BRCA2: variants seen among roughly 807,000 people sequenced by gnomAD.
The protein encoded by BRCA2 is BRCA2 DNA repair associated.
A neutral mutation model predicts 276.7 loss-of-function variants in BRCA2; 203 were observed. The observed-to-expected ratio is 0.73, with a 90% CI of 0.65 to 0.82. The LOEUF is 0.82. Among genes scored for constraint, BRCA2 ranks in the 40% least tolerant of loss-of-function variants. The pLI is 0.00. For synonymous variants in BRCA2, 1,289 were observed against 1,338.4 expected, an observed-to-expected ratio of 0.96 and a Z score of 0.81; for missense variants, 3,920 against 3,915.0, an observed-to-expected ratio of 1.00 and a Z score of -0.03.
At chr13:32,341,346 T>C (rs1369140540) in intron 11 of BRCA2, 150 bp downstream of exon 11, 7 of 1,065,514 alleles carry the variant, frequency 6.6e-6, no homozygotes, top group African/African-American at 1.6e-5. Context: ...TGGTTTGATA[T>C]ACAGATACAC....
In BRCA2 at chr13:32,398,623, G is replaced by A. The variant is rs28897762; in HGVS notation, c.10110G>A (p.Arg3370=). 1.7e-3 allele frequency: 2,788 copies of A among 1,614,080 alleles called. 9 individuals are homozygous for A. The highest frequency in any genetic ancestry group is 2.1e-3 in the South Asian group (191 of 91,078). ...KQFISVSEST[R]TAPTSSEDYL... ...TTATATCTGTCAGTGAATCCACTAG[G>A]ACTGCTCCCACCAGTTCAGAAGATT... The change falls in exon 27 of 27, where the codon AGG becomes AGA. Residue 3370 remains arginine (R), a synonymous_variant. Transcript: ENST00000380152.
intron 13 of BRCA2, among the ~76,000 whole-genome samples, chr13:32,351,934 C>T (rs1246353025): frequency 6.6e-6 from 1 of 151,972 alleles, no homozygotes; most frequent in Non-Finnish European, 1.5e-5. Context: ...CCCAAGTAGC[C>T]GGGATTACAG....
chr13:32,353,639 C>G (rs761265930), intron 13 of BRCA2, among the ~76,000 whole-genome samples: 1 of 152,136 alleles, frequency 6.6e-6, no homozygotes, highest in Non-Finnish European at 1.5e-5. Flanking sequence ...CATGCAAAAA[C>G]AAAATTTTGT....
chr13:32,321,325 G>T (rs898833063), intron 3 of BRCA2, among the ~76,000 whole-genome samples: 1 of 152,124 alleles, frequency 6.6e-6, no homozygotes, highest in Admixed American at 6.6e-5. Context: ...ACTCAGTCTC[G>T]TAAGCACGTC....
intron 13 of BRCA2, 77 bp from the exon 14 acceptor site, chr13:32,354,784 G>T: frequency 9.9e-7 from 1 of 1,006,028 alleles, no homozygotes; most frequent in Admixed American, 1.8e-5. Context: ...GCAAATGAGG[G>T]TCTGCAACAA....
intron 3 of BRCA2, among the ~76,000 whole-genome samples, chr13:32,322,484 A>G (rs1335403092): frequency 6.6e-6 from 1 of 152,174 alleles, no homozygotes. Flanking sequence ...GCCGAAGTAA[A>G]GGGATGGGTC....
At position 32,339,551 on chromosome 13, in the gene BRCA2, C is replaced by T. The variant is rs1419084599; in HGVS notation, c.5196C>T (p.Leu1732=). The T allele has an allele frequency of 6.2e-7, 1 of 1,605,820 alleles. No individual in the cohort carries two copies. Among genetic ancestry groups the T allele is most frequent in the African/African-American group, 1.3e-5 (1 of 74,600 alleles). The part of the protein sequence containing the change: ...STIAENDKNH[L]SEKQDTYLSN... ...TAGCTGAAAATGACAAAAATCATCT[C>T]TCCGAAAAACAAGATACTTATTTAA... Residue 1732 remains leucine, a synonymous_variant, in exon 11 of 27, where the codon CTC becomes CTT. Transcript: ENST00000380152.
chr13:32,341,074 T>C lies in BRCA2; in HGVS notation c.6719T>C (p.Leu2240Pro), dbSNP rs369452046. The C allele has an allele frequency of 6.2e-7, 1 of 1,613,994 alleles. No individual in the cohort carries two copies. The highest frequency in any genetic ancestry group is 8.5e-7 in the Non-Finnish European group (1 of 1,179,930). Residue 2240 changes from leucine (L) to proline (P), a missense_variant, in exon 11 of 27, where the codon CTG (leucine) becomes CCG (proline). Around this residue, in one of 2 missense-constraint regions of BRCA2, gnomAD observed 3,263 missense variants for 3,156.9 expected, o/e 1.03. Transcript: ENST00000380152. ...AAAGCTTTTATGGAAGATGATGAAC[T>C]GACAGATTCTAAACTGCCAAGTCAT... ...IAKAFMEDDE[L>P]TDSKLPSHAT...
intron 20 of BRCA2, 134 bp from the exon 21 acceptor site, chr13:32,376,532 AAAAG>A (rs925472258): frequency 4.9e-6 from 5 of 1,026,500 alleles, no homozygotes; most frequent in South Asian, 4.6e-5. Context: ...AAAAAAAAAA[AAAAG>A]AAAAAACTTT....
At chr13:32,335,359 A>G (rs1383989333) in intron 10 of BRCA2, among the ~76,000 whole-genome samples, 2 of 151,940 alleles carry the variant, frequency 1.3e-5, no homozygotes, top group East Asian at 3.9e-4. Context: ...AAAAAAAAAA[A>G]AAAAGCTAAT....
intron 24 of BRCA2, among the ~76,000 whole-genome samples, chr13:32,393,931 C>G (rs2073015297): frequency 6.6e-6 from 1 of 152,164 alleles, no homozygotes; most frequent in South Asian, 2.1e-4. Context: ...TCCTTTTTCC[C>G]CCACTCACAC....
At position 32,352,070 on chromosome 13, in the gene BRCA2, G is replaced by C. The variant is rs928716685; in HGVS notation, c.7008-2791G>C. On this transcript the variant is annotated intron_variant, in intron 13 of 26. Coordinates refer to ENST00000380152, the MANE Select transcript of BRCA2 (RefSeq NM_000059.4). Reference sequence around the variant, plus strand: ...CCCACCTTGGCCTCCCAAGGTGCTGGGATTACAGACGTGAGCCACTGTACC... The same window carrying C: ...CCCACCTTGGCCTCCCAAGGTGCTGCGATTACAGACGTGAGCCACTGTACC... 3.3e-5 allele frequency among the ~76,000 whole-genome samples: 5 copies of C among 152,242 alleles called. No homozygotes were observed. The East Asian group carries it at 9.7e-4, about 29-fold the overall frequency.
In BRCA2 at chr13:32,370,527, T is replaced by A. The variant is rs876660166; in HGVS notation, c.8457T>A (p.Asp2819Glu). 6.2e-7 allele frequency: 1 copy of A among 1,613,912 alleles called. No individual in the cohort carries two copies. The highest frequency in any genetic ancestry group is 8.5e-7 in the Non-Finnish European group (1 of 1,179,756). Residue 2819 changes from aspartate to glutamate, a missense_variant, in exon 19 of 27, where the codon GAT becomes GAA. Physicochemically the swap from Asp to Glu is conservative, Grantham distance 45. Around this residue, in one of 2 missense-constraint regions of BRCA2, gnomAD observed 657 missense variants for 758.2 expected, o/e 0.87. Transcript: ENST00000380152. ...ATGGAGGAAATGTTGGTTGTGTTGA[T>A]GTAATTATTCAAAGAGCATACCCTA... ...FSDGGNVGCVDVIIQRAYPIQ... is the reference protein window; with the variant it reads ...FSDGGNVGCVEVIIQRAYPIQ...
rs771442178 is a variant in BRCA2, at chr13:32,336,308, T to G, written c.1953T>G (p.Asp651Glu). The stretch of plus-strand genomic sequence containing the variant: ...TGAAAAGAAGCTGTTCACAGAATGA[T>G]TCTGAAGAACCAACTTTGTCCTTAA... Reference protein sequence around the residue: ...SSVKRSCSQNDSEEPTLSLTS... With the variant: ...SSVKRSCSQNESEEPTLSLTS... Residue 651 changes from aspartate to glutamate, a missense_variant, in exon 11 of 27, where the codon GAT becomes GAG. This residue lies in a region of BRCA2 where 3,263 missense variants were observed against 3,156.9 expected (regional missense o/e 1.03). Coordinates refer to ENST00000380152, the MANE Select transcript of BRCA2 (RefSeq NM_000059.4). 6.2e-7 allele frequency: 1 copy of G among 1,603,086 alleles called. No individual in the cohort carries two copies. Among genetic ancestry groups the G allele is most frequent in the Non-Finnish European group, 8.5e-7 (1 of 1,175,666 alleles).
rs398122529 is a variant in BRCA2, at chr13:32,339,682, TGAA to T, written c.5331_5333del (p.Lys1777del). The T allele has an allele frequency of 1.9e-6, 3 of 1,612,402 alleles. No homozygotes were observed. The highest frequency in any genetic ancestry group is 1.3e-5 in the African/African-American group (1 of 74,970). On this transcript the variant is annotated inframe_deletion, in exon 11 of 27. Transcript: ENST00000380152. The stretch of plus-strand genomic sequence containing the variant: ...CTTGATTCTGGTATTGAGCCAGTAT[TGAA>T]GAATGTTGAAGATCAAAAAAACACT...
intron 24 of BRCA2, among the ~76,000 whole-genome samples, chr13:32,380,946 C>G (rs1380347836): frequency 6.6e-6 from 1 of 152,042 alleles, no homozygotes; most frequent in African/African-American, 2.4e-5. Flanking sequence ...GTTTTGTTTT[C>G]TTAGGAGTTT....
chr13:32,327,694 T>C (rs1055944934), intron 7 of BRCA2, among the ~76,000 whole-genome samples: 2 of 151,528 alleles, frequency 1.3e-5, no homozygotes, highest in African/African-American at 4.8e-5. Flanking sequence ...AAAATCCTGT[T>C]ATAAAACTAC....
At chr13:32,328,386 C>G (rs993092675) in intron 7 of BRCA2, among the ~76,000 whole-genome samples, 2 of 151,954 alleles carry the variant, frequency 1.3e-5, no homozygotes, top group Admixed American at 1.3e-4. Flanking sequence ...GGATTACAGG[C>G]ACCCACCACC....
rs750341436 is a variant in BRCA2, at chr13:32,332,887, A to C, written c.1409A>C (p.Glu470Ala). The change falls in exon 10 of 27, where the codon GAA becomes GCA. Residue 470 changes from glutamate to alanine, a missense_variant. Physicochemically the swap from Glu to Ala is moderately radical, Grantham distance 107 (BLOSUM62 -1). Transcript: ENST00000380152. ...GAAACAGTGGTAAATAAGAGAGATG[A>C]AGAGCAGCATCTTGAATCTCATACA... The part of the protein sequence containing the change: ...NEETVVNKRD[E>A]EQHLESHTDC... 9.9e-6 allele frequency: 16 copies of C among 1,611,242 alleles called. No individual in the cohort carries two copies. The highest frequency in any genetic ancestry group is 1.7e-5 in the Admixed American group (1 of 59,408).
Sources: gnomAD v4.1 joint callset for allele counts (sites outside exome capture counted in the v4.1 genomes callset) on GRCh38, gnomAD v4.1.1 for gene constraint, gnomAD v4.1.1 regional missense constraint, MANE v1.5 for transcripts, NCBI Gene and HGNC (gene_info 2026-07-23, HGNC 2026-07-21) for gene names.